Variants in INTS6 observed in about 807,000 individuals in gnomAD.
The protein encoded by INTS6 is DEAD box protein.
Under a neutral mutation model 104.9 loss-of-function variants are expected in INTS6, and 16 were observed. The observed-to-expected ratio is 0.15, with a 90% CI of 0.10 to 0.23. The LOEUF is 0.23. INTS6 is among the 10% of genes least tolerant of loss of function. The pLI, the probability that INTS6 is intolerant of heterozygous loss-of-function variation, is 1.00. For missense variants in INTS6, 584 were observed against 1,062.8 expected (o/e 0.55, Z 6.26); for synonymous variants, 324 against 358.7 (o/e 0.90, Z 1.09).
intron 17 of INTS6, among the ~76,000 whole-genome samples, chr13:51,366,735 C>T (rs1955699723): frequency 6.6e-6 from 1 of 151,960 alleles, no homozygotes; most frequent in East Asian, 1.9e-4. Flanking sequence ...CTGGCCTATG[C>T]TCTAGCCACT....
exon 4 of INTS6, chr13:51,354,327 A>G (rs1314813169): frequency 4.6e-5 from 7 of 152,198 alleles, no homozygotes; most frequent in Admixed American, 2.0e-4. Flanking sequence ...TTAAGTCTTG[A>G]TTTTCCCATC....
Position 51,376,022 on chromosome 13 carries a change from TACCAGTATTGAA to T in INTS6, c.1729+14_1729+25del. ...GACTATAAAGAAAAAAAATTAAAAATACCAGTATTGAAACTATGTTCTAACCTTCGTCCTGTC... is the reference window on the plus strand; with the variant it reads ...GACTATAAAGAAAAAAAATTAAAAATACTATGTTCTAACCTTCGTCCTGTC... On this transcript the variant is annotated intron_variant, in intron 13 of 17. Transcript: ENST00000311234. 1 of 1,561,158 alleles carries T rather than the reference TACCAGTATTGAA, an allele frequency of 6.4e-7. No homozygotes were observed. Among genetic ancestry groups the T allele is most frequent in the Non-Finnish European group, 8.6e-7 (1 of 1,157,350 alleles).
chr13:51,349,833 C>T (rs1225622262), downstream of INTS6, among the ~76,000 whole-genome samples: 1 of 152,154 alleles, frequency 6.6e-6, no homozygotes, highest in Admixed American at 6.5e-5. Flanking sequence ...TTTTTTAAAT[C>T]TCCTTAAGAC....
chr13:51,408,744 CAAGTT>C (rs1345572601), intron 4 of INTS6, among the ~76,000 whole-genome samples: 15 of 152,124 alleles, frequency 9.9e-5, no homozygotes, highest in African/African-American at 2.2e-4. Context: ...CATAATCACA[CAAGTT>C]AAGAGACTGA....
downstream of INTS6, among the ~76,000 whole-genome samples, chr13:51,351,743 T>G (rs778591470): frequency 7.9e-5 from 12 of 151,912 alleles, no homozygotes; most frequent in Non-Finnish European, 1.6e-4. Context: ...TAGGTGTATG[T>G]TTTTTTTCCA....
chr13:51,382,382 C>T (rs1476938242), intron 9 of INTS6, among the ~76,000 whole-genome samples: 1 of 152,154 alleles, frequency 6.6e-6, no homozygotes, highest in African/African-American at 2.4e-5. Context: ...CTCCCTAGAC[C>T]TAGACACAAA....
At chr13:51,388,429 T>C (rs1169436899) in intron 6 of INTS6, among the ~76,000 whole-genome samples, 1 of 151,944 alleles carries the variant, frequency 6.6e-6, no homozygotes, top group Non-Finnish European at 1.5e-5. Context: ...GTTTCACTCT[T>C]GTTGCCCAGG....
intron 3 of INTS6, chr13:51,450,076 CTGAAA>C (rs1259967708): frequency 1.0e-6 from 1 of 985,180 alleles, no homozygotes; most frequent in Non-Finnish European, 1.2e-6. Context: ...AAGAATTTCC[CTGAAA>C]TGTACGAAAC....
intron 10 of INTS6, among the ~76,000 whole-genome samples, chr13:51,380,513 G>C (rs1956025335): frequency 6.6e-6 from 1 of 152,116 alleles, no homozygotes; most frequent in African/African-American, 2.4e-5. Context: ...GTTCCTGTTC[G>C]AAGTGTTTGT....
chr13:51,413,813 C>T (rs977437224), intron 4 of INTS6, among the ~76,000 whole-genome samples: 1 of 152,126 alleles, frequency 6.6e-6, no homozygotes, highest in African/African-American at 2.4e-5. Context: ...GACCTGATTT[C>T]AGGTCTGAAG....
chr13:51,450,860 AAT>A (rs1953027734), intron 3 of INTS6, 163 bp downstream of exon 3: 4 of 1,236,522 alleles, frequency 3.2e-6, no homozygotes, highest in Non-Finnish European at 4.1e-6. Flanking sequence ...AGGGATGTAA[AAT>A]ATATATAGTA....
intron 4 of INTS6, among the ~76,000 whole-genome samples, chr13:51,427,037 A>T (rs1358437911): frequency 6.6e-6 from 1 of 152,154 alleles, no homozygotes; most frequent in African/African-American, 2.4e-5. Context: ...CTCATATGAT[A>T]TAAGGATGAT....
Position 51,427,022 on chromosome 13 carries a change from A to G in INTS6, c.429+3272T>C, listed in dbSNP as rs1956996866. 1.3e-5 allele frequency among the ~76,000 whole-genome samples: 2 copies of G among 152,122 alleles called. 1 individual carries two copies. The highest frequency in any genetic ancestry group is 4.1e-4 in the South Asian group (2 of 4,834). On this transcript the variant is annotated intron_variant, in intron 4 of 17. Coordinates refer to ENST00000311234, the MANE Select transcript of INTS6 (RefSeq NM_012141.3). ...AAATATAAGACTAAATGAGTTCTAT[A>G]TTTCCTCATATGATATAAGGATGAT...
chr13:51,440,973 G>A (rs1349538660), intron 3 of INTS6: 4 of 152,168 alleles, frequency 2.6e-5, no homozygotes, highest in Non-Finnish European at 4.4e-5. Context: ...AGTGTTTACC[G>A]TAATACTGGA....
chr13:51,352,532 AAT>A (rs1955415585), downstream of INTS6, among the ~76,000 whole-genome samples: 1 of 151,808 alleles, frequency 6.6e-6, no homozygotes, highest in Non-Finnish European at 1.5e-5. Context: ...GTCATCTGTG[AAT>A]AGAGATAGAT....
At position 51,375,476 on chromosome 13, in the gene INTS6, T is replaced by TAAA. The variant is rs35989339; in HGVS notation, c.1729+569_1729+571dup. ...TGTAGAAAATGGAAGTACAGTATGG[T>TAAA]AAAAAAAAAAAAAAGTCGCATAGCT... On this transcript the variant is annotated intron_variant, in intron 13 of 17. Coordinates refer to ENST00000311234, the MANE Select transcript of INTS6 (RefSeq NM_012141.3). Among the ~76,000 whole-genome samples the TAAA allele has an allele frequency of 3.9e-3, 577 of 146,424 alleles. 2 individuals are homozygous for TAAA. Among genetic ancestry groups the TAAA allele is most frequent in the Middle Eastern group, 0.011 (3 of 278 alleles).
At chr13:51,417,378 G>T (rs1340946553) in intron 4 of INTS6, among the ~76,000 whole-genome samples, 2 of 151,820 alleles carry the variant, frequency 1.3e-5, no homozygotes, top group Non-Finnish European at 2.9e-5. Flanking sequence ...TTGCATATAA[G>T]GTAGAGGTTC....
the INTS6 span, among the ~76,000 whole-genome samples, chr13:51,346,154 TAAAC>T: frequency 6.6e-6 from 1 of 152,214 alleles, no homozygotes; most frequent in Admixed American, 6.5e-5. Flanking sequence ...GTGTGCATAT[TAAAC>T]AAATAAACAG....
chr13:51,377,573 TG>T (rs1955959790), intron 12 of INTS6, among the ~76,000 whole-genome samples: 1 of 152,274 alleles, frequency 6.6e-6, no homozygotes, highest in South Asian at 2.1e-4. Flanking sequence ...TTTAAAAGAC[TG>T]TCTTCTTATC....
Sources: gnomAD v4.1 joint callset for allele counts (sites outside exome capture counted in the v4.1 genomes callset) on GRCh38, gnomAD v4.1.1 for gene constraint, MANE v1.5 for transcripts, NCBI Gene and HGNC (gene_info 2026-07-23, HGNC 2026-07-21) for gene names.